The following GPC5 variants were observed in gnomAD, a reference collection of about 807,000 sequenced individuals.
GPC5 encodes the protein glypican 5, also known as glypican-5.
GPC5 carries 47 observed loss-of-function variants against 53.9 expected under a neutral mutation model. The observed-to-expected ratio is 0.87, with a 90% confidence interval of 0.69 to 1.11. GPC5 has a LOEUF of 1.11. GPC5 is among the 50% of genes most tolerant of loss of function. GPC5 has a pLI of 0.00. For synonymous variants in GPC5, 286 were observed against 263.3 expected (o/e 1.09, Z -0.84); for missense variants, 748 against 713.1 (o/e 1.05, Z -0.56).
At chr13:91,399,854 G>A (rs9523326) in intron 1 of GPC5, among the ~76,000 whole-genome samples, 79,913 of 151,856 alleles carry the variant, frequency 0.53, 23,313 homozygotes, top group South Asian at 0.66. Context: ...AAAAGTGTTA[G>A]GGCAACAGGC....
At chr13:92,042,062 G>A (rs568898680) in intron 6 of GPC5, among the ~76,000 whole-genome samples, 10 of 152,286 alleles carry the variant, frequency 6.6e-5, no homozygotes, top group Middle Eastern at 3.4e-3. Flanking sequence ...ATGCACAGGT[G>A]CACAAGAACA....
rs563493697 is a variant in GPC5, at chr13:91,455,024, A to G, written c.325+6102A>G. On this transcript the variant is annotated intron_variant, in intron 2 of 7. Transcript: ENST00000377067. ...ACAACTAGTTATGTTTTTGAGATTA[A>G]TCTGTGTGTCTATCTATCCATCCCT... 7.9e-5 allele frequency among the ~76,000 whole-genome samples: 12 copies of G among 152,216 alleles called. No individual in the cohort carries two copies. In the East Asian group the frequency reaches 2.3e-3, roughly 29 times the overall value.
chr13:92,708,857 CTTTTTTTTT>C (rs752130758), intron 7 of GPC5, among the ~76,000 whole-genome samples: 10 of 48,182 alleles, frequency 2.1e-4, no homozygotes, highest in Non-Finnish European at 2.9e-4. Context: ...TGGAAACCGC[CTTTTTTTTT>C]TTTTTTTTTT....
chr13:92,307,369 G>A (rs954952622), intron 7 of GPC5, among the ~76,000 whole-genome samples: 1 of 152,106 alleles, frequency 6.6e-6, no homozygotes, highest in Non-Finnish European at 1.5e-5. Flanking sequence ...CAGGAGATTC[G>A]CTTGAACTCG....
At chr13:92,811,850 G>A (rs949889056) in intron 7 of GPC5, among the ~76,000 whole-genome samples, 2 of 151,862 alleles carry the variant, frequency 1.3e-5, no homozygotes, top group Non-Finnish European at 2.9e-5. Context: ...AGCAATGTCT[G>A]TTGAAGATAC....
chr13:92,191,406 G>A (rs1014221888), intron 7 of GPC5, among the ~76,000 whole-genome samples: 1 of 152,132 alleles, frequency 6.6e-6, no homozygotes, highest in African/African-American at 2.4e-5. Flanking sequence ...GGAGCAGCTG[G>A]AACTCTCAAT....
chr13:92,427,766 A>C (rs932634299), intron 7 of GPC5, among the ~76,000 whole-genome samples: 3 of 152,164 alleles, frequency 2.0e-5, no homozygotes, highest in African/African-American at 7.2e-5. Flanking sequence ...CGTTTGAAGT[A>C]TTTGTAAAAT....
chr13:91,665,643 C>T (rs2035093754), intron 2 of GPC5, among the ~76,000 whole-genome samples: 1 of 152,098 alleles, frequency 6.6e-6, no homozygotes, highest in South Asian at 2.1e-4. Context: ...GCTGAGACTG[C>T]AGGCGCCCAC....
intron 5 of GPC5, among the ~76,000 whole-genome samples, chr13:91,810,392 T>C (rs1012028845): frequency 1.3e-5 from 2 of 151,988 alleles, no homozygotes; most frequent in East Asian, 1.9e-4. Flanking sequence ...TAATACCTTA[T>C]GTTATAGTGC....
At chr13:92,172,812 T>G (rs1325998243) in intron 7 of GPC5, among the ~76,000 whole-genome samples, 3 of 152,046 alleles carry the variant, frequency 2.0e-5, no homozygotes, top group Non-Finnish European at 4.4e-5. Flanking sequence ...TGAAACTATT[T>G]TTTCCAATTT....
intron 7 of GPC5, among the ~76,000 whole-genome samples, chr13:92,257,032 T>C (rs934303690): frequency 2.7e-5 from 4 of 150,696 alleles, no homozygotes; most frequent in African/African-American, 1.0e-4. Flanking sequence ...ATTTTAGATA[T>C]CTAAAATAGT....
intron 2 of GPC5, among the ~76,000 whole-genome samples, chr13:91,457,621 A>G (rs1881654770): frequency 6.6e-6 from 1 of 152,158 alleles, no homozygotes; most frequent in South Asian, 2.1e-4. Flanking sequence ...GTGCGTATGT[A>G]GTTTGAAATA....
chr13:92,790,200 A>T (rs1876411866), intron 7 of GPC5, among the ~76,000 whole-genome samples: 1 of 152,108 alleles, frequency 6.6e-6, no homozygotes, highest in Non-Finnish European at 1.5e-5. Context: ...ACACCCTCAC[A>T]GACAGGCCCA....
chr13:92,211,405 G>C (rs1349159826), intron 7 of GPC5, among the ~76,000 whole-genome samples: 2 of 152,188 alleles, frequency 1.3e-5, no homozygotes, highest in Non-Finnish European at 2.9e-5. Flanking sequence ...TATGAGTCAG[G>C]AGAAGTTGAT....
intron 5 of GPC5, among the ~76,000 whole-genome samples, chr13:91,812,080 G>A (rs895695986): frequency 2.0e-5 from 3 of 152,188 alleles, no homozygotes; most frequent in Non-Finnish European, 4.4e-5. Context: ...TGTGAATAAA[G>A]TGGCAGGTAG....
At chr13:92,228,853 G>A (rs1418221163) in intron 7 of GPC5, among the ~76,000 whole-genome samples, 2 of 152,124 alleles carry the variant, frequency 1.3e-5, no homozygotes, top group African/African-American at 2.4e-5. Context: ...AACTCCAAGG[G>A]AGGTAACCAG....
intron 2 of GPC5, among the ~76,000 whole-genome samples, chr13:91,496,885 C>T (rs1441953287): frequency 6.6e-6 from 1 of 151,884 alleles, no homozygotes; most frequent in Non-Finnish European, 1.5e-5. Context: ...TCTCATGTAC[C>T]CCATAAATAT....
chr13:92,118,904 T>C (rs946812180), intron 6 of GPC5, among the ~76,000 whole-genome samples: 1 of 152,242 alleles, frequency 6.6e-6, no homozygotes, highest in African/African-American at 2.4e-5. Context: ...GCTTTCTCAT[T>C]GTTTTCCTAA....
At chr13:92,498,913 T>A (rs559572760) in intron 7 of GPC5, among the ~76,000 whole-genome samples, 1 of 152,202 alleles carries the variant, frequency 6.6e-6, no homozygotes, top group East Asian at 1.9e-4. Flanking sequence ...TGACAAATCA[T>A]CAGGTTTCCC....
Sources: gnomAD v4.1 joint callset for allele counts (sites outside exome capture counted in the v4.1 genomes callset) on GRCh38, gnomAD v4.1.1 for gene constraint, MANE v1.5 for transcripts, NCBI Gene and HGNC (gene_info 2026-07-23, HGNC 2026-07-21) for gene names.